SEPTIN9: variants seen among roughly 807,000 people sequenced by gnomAD.
The protein encoded by SEPTIN9 is septin-9.
A neutral mutation model predicts 56.6 loss-of-function variants in SEPTIN9; 13 were observed. The ratio of observed to expected loss-of-function variants is 0.23; its 90% CI spans 0.15 to 0.37. SEPTIN9 has a LOEUF of 0.37. Ranked by LOEUF, SEPTIN9 falls within the 10% of genes least tolerant of loss-of-function variation. SEPTIN9 has a pLI of 1.00. For missense variants in SEPTIN9, 650 were observed against 823.1 expected, an observed-to-expected ratio of 0.79 and a Z score of 2.57; for synonymous variants, 332 against 334.1, an observed-to-expected ratio of 0.99 and a Z score of 0.07.
chr17:77,415,843 C>T (rs2036486554), intron 3 of SEPTIN9, among the ~76,000 whole-genome samples: 2 of 152,160 alleles, frequency 1.3e-5, no homozygotes, highest in Non-Finnish European at 2.9e-5. Context: ...TCAGTGGCTC[C>T]TGGTGGCTGC....
In SEPTIN9 at chr17:77,283,837, G is replaced by A. The variant is rs1198847491; in HGVS notation, c.19+2283G>A. Among the ~76,000 whole-genome samples, 3 of 152,240 alleles carry A rather than the reference G, an allele frequency of 2.0e-5. No individual in the cohort carries two copies. In the South Asian group the frequency reaches 6.2e-4, roughly 32 times the overall value. On this transcript the variant is annotated intron_variant, in intron 1 of 11. Coordinates refer to ENST00000427177, the MANE Select transcript of SEPTIN9 (RefSeq NM_001113491.2). ...TTATGTGCTGGGCACACATGGCCAA[G>A]TCTGAGTGGGTACAGAAATGGTAAT...
rs1014058995 is a variant in SEPTIN9, at chr17:77,313,268, C to T, written c.76+6071C>T. 5.9e-5 allele frequency among the ~76,000 whole-genome samples: 9 copies of T among 152,198 alleles called. No homozygotes were observed. Among genetic ancestry groups the T allele is most frequent in the Non-Finnish European group, 8.8e-5 (6 of 68,038 alleles). On this transcript the variant is annotated intron_variant, in intron 2 of 11. Coordinates refer to ENST00000427177, the MANE Select transcript of SEPTIN9 (RefSeq NM_001113491.2). This position sits in a 1 kb window ranked among gnomAD's most constrained non-coding sequence, Gnocchi z 4.5. ...CTCCAGCTCCTGTCAGGCTACAGCC[C>T]AGATGGTTGGCTGAGCACGAGCATG...
At chr17:77,415,624 T>A (rs2144179692) in intron 3 of SEPTIN9, among the ~76,000 whole-genome samples, 1 of 119,410 alleles carries the variant, frequency 8.4e-6, no homozygotes, top group East Asian at 2.2e-4. Context: ...TGAGACTATG[T>A]CTCAAAAAAA....
At chr17:77,348,579 C>T (rs1051488103) in intron 2 of SEPTIN9, among the ~76,000 whole-genome samples, 2 of 152,084 alleles carry the variant, frequency 1.3e-5, no homozygotes, top group African/African-American at 4.8e-5. Flanking sequence ...GGATTACAAG[C>T]GTGAGCCACT....
chr17:77,489,845 T>G lies in SEPTIN9; in HGVS notation c.1263-897T>G, dbSNP rs368714459. Reference sequence around the variant, plus strand: ...CGCTGTCCATGGGCCTCTCCTGAACTGAACATCTGCCCTCCCAGGCAGAAC... The same window carrying G: ...CGCTGTCCATGGGCCTCTCCTGAACGGAACATCTGCCCTCCCAGGCAGAAC... On this transcript the variant is annotated intron_variant, in intron 7 of 11. Transcript: ENST00000427177. 2.3e-4 allele frequency among the ~76,000 whole-genome samples: 35 copies of G among 152,302 alleles called. No homozygotes were observed. In the East Asian group the frequency reaches 2.9e-3, roughly 13 times the overall value.
At chr17:77,469,406 C>G (rs1341531910) in intron 3 of SEPTIN9, 1 of 152,374 alleles carries the variant, frequency 6.6e-6, no homozygotes, top group Non-Finnish European at 1.5e-5. Context: ...AAGGGTGACC[C>G]CTGTGTGTTT....
chr17:77,310,455 C>G lies in SEPTIN9; in HGVS notation c.76+3258C>G, dbSNP rs2032446241. ...GACTTATCCGTGTAGATCCACGAAG[C>G]CTTGGTTCACTTATTTTGGCAGCTA... On this transcript the variant is annotated intron_variant, in intron 2 of 11. Transcript: ENST00000427177. The surrounding 1 kb of genome is among the most constrained non-coding windows in gnomAD (Gnocchi z 4.7). Among the ~76,000 whole-genome samples, 1 of 147,004 alleles carries G rather than the reference C, an allele frequency of 6.8e-6. No homozygotes were observed. The highest frequency in any genetic ancestry group is 1.5e-5 in the Non-Finnish European group (1 of 66,654).
intron 2 of SEPTIN9, among the ~76,000 whole-genome samples, chr17:77,398,614 G>A (rs772598439): frequency 1.3e-5 from 2 of 152,198 alleles, no homozygotes; most frequent in African/African-American, 4.8e-5. Context: ...TTTCCTTGGG[G>A]AAGATGGACA....
chr17:77,485,793 T>C (rs1167977043), intron 4 of SEPTIN9, among the ~76,000 whole-genome samples: 2 of 152,096 alleles, frequency 1.3e-5, no homozygotes, highest in African/African-American at 4.8e-5. Flanking sequence ...ACACTTTTCC[T>C]AGAAAGGTGT....
chr17:77,304,959 C>T (rs914177444), intron 1 of SEPTIN9, among the ~76,000 whole-genome samples: 1 of 152,090 alleles, frequency 6.6e-6, no homozygotes, highest in East Asian at 1.9e-4. Flanking sequence ...TGGGGTTCAT[C>T]CTCCTCCCCG....
At chr17:77,493,300 A>G in intron 10 of SEPTIN9, 1 of 562,908 alleles carries the variant, frequency 1.8e-6, no homozygotes, top group Non-Finnish European at 3.2e-6. Context: ...CCGGGCAGGG[A>G]AAGATTCAGG....
intron 3 of SEPTIN9, among the ~76,000 whole-genome samples, chr17:77,413,320 C>T (rs2036371603): frequency 6.6e-6 from 1 of 152,112 alleles, no homozygotes; most frequent in African/African-American, 2.4e-5. Context: ...AAAACTTAAA[C>T]TTTTTCCATG....
intron 2 of SEPTIN9, among the ~76,000 whole-genome samples, chr17:77,401,853 A>G (rs2035911055): frequency 6.6e-6 from 1 of 152,082 alleles, no homozygotes. Flanking sequence ...TTCCCACTCC[A>G]GCCTGCATCT....
chr17:77,341,945 T>C (rs1171679513), intron 2 of SEPTIN9, among the ~76,000 whole-genome samples: 1 of 148,598 alleles, frequency 6.7e-6, no homozygotes, highest in Non-Finnish European at 1.5e-5. Context: ...TAGCCGGGCG[T>C]GGTGGTGGGT....
Position 77,302,897 on chromosome 17 carries a change from C to T in SEPTIN9, c.20-4244C>T, listed in dbSNP as rs917463778. On this transcript the variant is annotated intron_variant, in intron 1 of 11. Coordinates refer to ENST00000427177, the MANE Select transcript of SEPTIN9 (RefSeq NM_001113491.2). ...TCCACAAGGAAGACACTGCACAGGG[C>T]GCCCTAAGTTTGCTCTTTCTGCCTA... Among the ~76,000 whole-genome samples the T allele has an allele frequency of 5.9e-5, 9 of 152,080 alleles. 1 individual carries two copies. The South Asian group carries it at 8.3e-4, about 14-fold the overall frequency.
chr17:77,489,751 G>C (rs951665871), intron 7 of SEPTIN9, among the ~76,000 whole-genome samples: 1 of 152,194 alleles, frequency 6.6e-6, no homozygotes, highest in African/African-American at 2.4e-5. Context: ...ACCCAAGCCG[G>C]AGTTTTCGAG....
At chr17:77,470,528 A>T (rs2038950772) in intron 3 of SEPTIN9, among the ~76,000 whole-genome samples, 1 of 151,928 alleles carries the variant, frequency 6.6e-6, no homozygotes, top group Admixed American at 6.6e-5. Flanking sequence ...TCATCCATCT[A>T]TCCACTCATC....
intron 2 of SEPTIN9, among the ~76,000 whole-genome samples, chr17:77,356,412 C>A (rs1390346708): frequency 3.3e-5 from 5 of 151,932 alleles, no homozygotes; most frequent in Admixed American, 2.6e-4. Flanking sequence ...GAGTGTAACT[C>A]CCAGTGGCTC....
intron 4 of SEPTIN9, among the ~76,000 whole-genome samples, chr17:77,484,509 T>G (rs2039599119): frequency 1.1e-5 from 1 of 91,454 alleles, no homozygotes; most frequent in African/African-American, 6.8e-5. Context: ...ATTGTGGTGA[T>G]GGTGATGGTG....
Sources: gnomAD v4.1 joint callset for allele counts (sites outside exome capture counted in the v4.1 genomes callset) on GRCh38, gnomAD v4.1.1 for gene constraint, Gnocchi (gnomAD v3.1) non-coding constraint, MANE v1.5 for transcripts, NCBI Gene and HGNC (gene_info 2026-07-23, HGNC 2026-07-21) for gene names.